THSD7A: variants seen among roughly 807,000 people sequenced by gnomAD.
The protein encoded by THSD7A is thrombospondin type-1 domain-containing protein 7A.
A neutral mutation model predicts 231.3 loss-of-function variants in THSD7A; 96 were observed. That is an observed-to-expected ratio of 0.41 (90% CI 0.35 to 0.49). THSD7A has a LOEUF of 0.49. THSD7A is among the 20% of genes least tolerant of loss of function. The pLI is 0.05. For synonymous variants in THSD7A, 940 were observed against 743.3 expected (o/e 1.26, Z -4.30); for missense variants, 2,290 against 2,070.2 (o/e 1.11, Z -2.06).
intron 4 of THSD7A, among the ~76,000 whole-genome samples, chr7:11,587,911 T>C (rs1385678950): frequency 2.0e-5 from 3 of 152,292 alleles, no homozygotes; most frequent in Middle Eastern, 6.8e-3. Flanking sequence ...TGTTTTGTGT[T>C]AGGGTCTTTT....
rs554451540 is a variant in THSD7A, at chr7:11,703,637, T to A, written c.191-66676A>T. On this transcript the variant is annotated intron_variant, in intron 1 of 27. Transcript: ENST00000423059. ...TTAATGTAGCTGGCATTTTATACAT[T>A]TTTGTTGAGAGAATATTAAAATTAA... Among the ~76,000 whole-genome samples the A allele has an allele frequency of 4.0e-5, 6 of 151,404 alleles. 1 individual carries two copies. In the South Asian group the frequency reaches 1.2e-3, roughly 31 times the overall value.
chr7:11,716,062 T>C (rs915012761), intron 1 of THSD7A, among the ~76,000 whole-genome samples: 3 of 151,502 alleles, frequency 2.0e-5, no homozygotes, highest in African/African-American at 7.3e-5. Context: ...GAGAGGAACA[T>C]TCCTGACAGA....
chr7:11,646,253 C>T (rs114974039), intron 1 of THSD7A, among the ~76,000 whole-genome samples: 1,761 of 152,094 alleles, frequency 0.012, 33 homozygotes, highest in African/African-American at 0.04. Context: ...CCTCCTTACC[C>T]CACTTCCCAA....
At chr7:11,421,340 C>T (rs1160593855) in intron 16 of THSD7A, among the ~76,000 whole-genome samples, 1 of 152,072 alleles carries the variant, frequency 6.6e-6, no homozygotes, top group Admixed American at 6.6e-5. Flanking sequence ...GGCACTTCCC[C>T]CTTCGCTCTT....
At chr7:11,778,425 CAT>C (rs1017925923) in intron 1 of THSD7A, among the ~76,000 whole-genome samples, 1 of 151,914 alleles carries the variant, frequency 6.6e-6, no homozygotes, top group Admixed American at 6.6e-5. Context: ...TCCATATTTT[CAT>C]ATATATTTTT....
intron 1 of THSD7A, among the ~76,000 whole-genome samples, chr7:11,715,951 G>C (rs1182906661): frequency 6.6e-6 from 1 of 151,430 alleles, no homozygotes. Flanking sequence ...ATAAAAATCT[G>C]GGAGAAACCC....
At chr7:11,517,589 C>T (rs542430365) in intron 6 of THSD7A, among the ~76,000 whole-genome samples, 5 of 152,224 alleles carry the variant, frequency 3.3e-5, no homozygotes, top group African/African-American at 1.2e-4. Context: ...TTTTGATTGC[C>T]ATTTTACCTC....
intron 4 of THSD7A, among the ~76,000 whole-genome samples, chr7:11,575,593 T>C (rs1020878616): frequency 6.6e-6 from 1 of 152,318 alleles, no homozygotes; most frequent in Admixed American, 6.5e-5. Flanking sequence ...GTACTCCAGA[T>C]ACTTGTGTCA....
chr7:11,801,720 C>T (rs573442151), intron 1 of THSD7A, among the ~76,000 whole-genome samples: 1 of 151,984 alleles, frequency 6.6e-6, no homozygotes, highest in Admixed American at 6.6e-5. Context: ...GAAAGTAAAG[C>T]CAAACAACAA....
chr7:11,428,837 G>C (rs1784397100), intron 14 of THSD7A, 110 bp downstream of exon 14: 1 of 1,261,744 alleles, frequency 7.9e-7, no homozygotes, highest in East Asian at 2.5e-5. Context: ...TGGTAAAAAT[G>C]GGTCAATTTT....
intron 2 of THSD7A, among the ~76,000 whole-genome samples, chr7:11,614,124 GTAT>G (rs1198235148): frequency 1.3e-5 from 2 of 152,128 alleles, no homozygotes; most frequent in Non-Finnish European, 1.5e-5. Flanking sequence ...CAAATATATG[GTAT>G]TATTCTTCTC....
At chr7:11,631,569 T>C (rs1781656232) in intron 2 of THSD7A, among the ~76,000 whole-genome samples, 1 of 152,062 alleles carries the variant, frequency 6.6e-6, no homozygotes, top group South Asian at 2.1e-4. Context: ...GTTGATTTTA[T>C]AGATAGTAAA....
intron 1 of THSD7A, among the ~76,000 whole-genome samples, chr7:11,689,656 A>C (rs1418102787): frequency 6.6e-6 from 1 of 151,688 alleles, no homozygotes; most frequent in Non-Finnish European, 1.5e-5. Context: ...TGCCATTCCC[A>C]GGTGCAATTC....
At chr7:11,621,902 C>T (rs912230601) in intron 2 of THSD7A, among the ~76,000 whole-genome samples, 6 of 152,032 alleles carry the variant, frequency 3.9e-5, no homozygotes, top group African/African-American at 1.4e-4. Flanking sequence ...ACAAATCATA[C>T]AAAACTAATT....
At chr7:11,817,906 CACAA>C in intron 1 of THSD7A, among the ~76,000 whole-genome samples, 1 of 152,220 alleles carries the variant, frequency 6.6e-6, no homozygotes, top group South Asian at 2.1e-4. Flanking sequence ...GGCAAATGCA[CACAA>C]ACATATATTT....
intron 1 of THSD7A, among the ~76,000 whole-genome samples, chr7:11,657,550 G>C (rs947398801): frequency 6.6e-6 from 1 of 151,580 alleles, no homozygotes; most frequent in Non-Finnish European, 1.5e-5. Context: ...TGCTTTAATT[G>C]TGCTCACCTA....
At chr7:11,735,943 C>T (rs575243290) in intron 1 of THSD7A, among the ~76,000 whole-genome samples, 1 of 151,900 alleles carries the variant, frequency 6.6e-6, no homozygotes, top group African/African-American at 2.4e-5. Context: ...ATGTACTGTA[C>T]TTAAATGGCA....
chr7:11,663,772 C>T (rs1017280409), intron 1 of THSD7A, among the ~76,000 whole-genome samples: 1 of 151,536 alleles, frequency 6.6e-6, no homozygotes, highest in African/African-American at 2.4e-5. Flanking sequence ...AAAATAAGAA[C>T]TACTCAACAT....
intron 4 of THSD7A, among the ~76,000 whole-genome samples, chr7:11,584,991 A>T (rs760364695): frequency 1.3e-5 from 2 of 152,246 alleles, no homozygotes; most frequent in Admixed American, 6.5e-5. Flanking sequence ...CATTTTATAA[A>T]GGGAACAGTA....
Sources: allele counts gnomAD v4.1 joint callset (sites outside exome capture counted in the v4.1 genomes callset), GRCh38; gene constraint gnomAD v4.1.1; transcripts MANE v1.5; gene names NCBI Gene and HGNC (gene_info 2026-07-23, HGNC 2026-07-21).